ASTN2: variants seen among roughly 807,000 people sequenced by gnomAD.
The protein encoded by ASTN2 is astrotactin 2.
A neutral mutation model predicts 139.8 loss-of-function variants in ASTN2; 54 were observed. The observed-to-expected ratio is 0.39, with a 90% CI of 0.31 to 0.48. The LOEUF is 0.48. Ranked by LOEUF, ASTN2 falls within the 20% of genes least tolerant of loss-of-function variation. The pLI, the probability that ASTN2 is intolerant of heterozygous loss-of-function variation, is 0.95. For missense variants in ASTN2, 1,565 were observed against 1,725.1 expected, an observed-to-expected ratio of 0.91 and a Z score of 1.64; for synonymous variants, 756 against 719.5, an observed-to-expected ratio of 1.05 and a Z score of -0.81.
intron 2 of ASTN2, among the ~76,000 whole-genome samples, chr9:117,229,356 C>T (rs575907058): frequency 4.6e-4 from 70 of 152,278 alleles, no homozygotes; most frequent in African/African-American, 1.6e-3. Flanking sequence ...GTCCTGCTCC[C>T]CACATTCCCT....
chr9:116,730,331 T>C (rs951232570), intron 14 of ASTN2, among the ~76,000 whole-genome samples: 2 of 152,194 alleles, frequency 1.3e-5, no homozygotes, highest in Non-Finnish European at 2.9e-5. Flanking sequence ...ATTAAAGTTG[T>C]CCATTACTGT....
At chr9:116,838,694 G>A (rs1479006289) in intron 11 of ASTN2, among the ~76,000 whole-genome samples, 1 of 151,568 alleles carries the variant, frequency 6.6e-6, no homozygotes, top group East Asian at 1.9e-4. Context: ...CAAAGTGATA[G>A]GATTATGATT....
chr9:116,483,564 A>G (rs548190668), intron 20 of ASTN2, among the ~76,000 whole-genome samples: 1 of 152,194 alleles, frequency 6.6e-6, no homozygotes, highest in Non-Finnish European at 1.5e-5. Flanking sequence ...ATAATGAATA[A>G]AAAGACAAAA....
intron 22 of ASTN2, among the ~76,000 whole-genome samples, chr9:116,429,114 G>A (rs1363787020): frequency 1.3e-5 from 2 of 151,994 alleles, no homozygotes; most frequent in African/African-American, 2.4e-5. Flanking sequence ...TGAGATGGGC[G>A]GATCACCTGA....
At chr9:116,753,767 C>A (rs1829462596) in intron 13 of ASTN2, among the ~76,000 whole-genome samples, 1 of 145,160 alleles carries the variant, frequency 6.9e-6, no homozygotes, top group Admixed American at 6.6e-5. Context: ...AACTATACAT[C>A]TCTAGGCAAT....
chr9:117,315,326 T>C (rs955072244), intron 1 of ASTN2, among the ~76,000 whole-genome samples: 2 of 152,214 alleles, frequency 1.3e-5, no homozygotes, highest in Non-Finnish European at 2.9e-5. Context: ...CAGTTTCCTT[T>C]AAGAATCACA....
chr9:117,064,011 C>T (rs186804841), intron 5 of ASTN2, among the ~76,000 whole-genome samples: 6 of 152,030 alleles, frequency 3.9e-5, no homozygotes, highest in South Asian at 2.1e-4. Flanking sequence ...ATTGTTTTCC[C>T]GAGAGCTTTT....
chr9:117,329,734 T>C (rs2130846344), intron 1 of ASTN2, among the ~76,000 whole-genome samples: 1 of 152,318 alleles, frequency 6.6e-6, no homozygotes, highest in South Asian at 2.1e-4. Context: ...CAGTTGCTGC[T>C]GGGGTCATAA....
chr9:116,887,510 G>A (rs1037411288), intron 10 of ASTN2, among the ~76,000 whole-genome samples: 1 of 151,908 alleles, frequency 6.6e-6, no homozygotes, highest in African/African-American at 2.4e-5. Context: ...GGCAGGGATG[G>A]GGGTGGCCCT....
In ASTN2 at chr9:116,491,125, A is replaced by G. The variant is rs372257641; in HGVS notation, c.3356-3625T>C. 2.6e-5 allele frequency among the ~76,000 whole-genome samples: 4 copies of G among 152,356 alleles called. No individual in the cohort carries two copies. The East Asian group carries it at 7.7e-4, about 29-fold the overall frequency. ...GCTCACCTGCAGTATATGCAGTATAACTAGTCATACCAAGATCATTATAAG... is the reference window on the plus strand; with the variant it reads ...GCTCACCTGCAGTATATGCAGTATAGCTAGTCATACCAAGATCATTATAAG... On this transcript the variant is annotated intron_variant, in intron 19 of 22. Transcript: ENST00000313400.
At chr9:117,413,783 C>T (rs889178627) in intron 1 of ASTN2, among the ~76,000 whole-genome samples, 4 of 152,294 alleles carry the variant, frequency 2.6e-5, no homozygotes, top group East Asian at 3.9e-4. Flanking sequence ...CAAACCGGCT[C>T]TCTGCCTGGA....
At chr9:116,949,554 C>T (rs1192873936) in intron 10 of ASTN2, among the ~76,000 whole-genome samples, 1 of 152,082 alleles carries the variant, frequency 6.6e-6, no homozygotes, top group African/African-American at 2.4e-5. Flanking sequence ...ATGTGAAGGC[C>T]CTGGTTCTGC....
chr9:117,249,256 G>A (rs2133087824), intron 2 of ASTN2, among the ~76,000 whole-genome samples: 1 of 152,220 alleles, frequency 6.6e-6, no homozygotes, highest in East Asian at 1.9e-4. Flanking sequence ...AGGATCCACG[G>A]GAAATCTGTT....
chr9:117,189,073 C>G (rs1412475852), intron 3 of ASTN2, among the ~76,000 whole-genome samples: 2 of 152,090 alleles, frequency 1.3e-5, no homozygotes, highest in African/African-American at 4.8e-5. Context: ...ATCCTAACCT[C>G]CCAGATAGGA....
intron 19 of ASTN2, among the ~76,000 whole-genome samples, chr9:116,530,478 TTG>T (rs1851297638): frequency 2.6e-5 from 4 of 151,950 alleles, no homozygotes; most frequent in African/African-American, 9.6e-5. Context: ...AGAGAATAAA[TTG>T]TGTGTTCTCA....
At chr9:116,713,509 C>T (rs1303197300) in intron 16 of ASTN2, among the ~76,000 whole-genome samples, 1 of 152,150 alleles carries the variant, frequency 6.6e-6, no homozygotes, top group African/African-American at 2.4e-5. Flanking sequence ...TGGTCAGCAT[C>T]ATGCAGGCTT....
chr9:117,340,425 C>G (rs1044490569), intron 1 of ASTN2, among the ~76,000 whole-genome samples: 6 of 150,814 alleles, frequency 4.0e-5, no homozygotes, highest in Admixed American at 1.3e-4. Context: ...GCAGGAACAC[C>G]GGTTATAGAA....
chr9:117,393,707 G>A (rs890125535), intron 1 of ASTN2, among the ~76,000 whole-genome samples: 1 of 152,194 alleles, frequency 6.6e-6, no homozygotes, highest in African/African-American at 2.4e-5. Context: ...CGCAGGGACT[G>A]AGAGCTCCTG....
chr9:117,336,057 G>GAA lies in ASTN2; in HGVS notation c.443-44546_443-44545dup, dbSNP rs35679249. On this transcript the variant is annotated intron_variant, in intron 1 of 22. Transcript: ENST00000313400. ...TTAAGGAGACAGGAGGTCTGGAAAGGAAAAAAAAAAAAAAAAAAAGGACCA... is the reference window on the plus strand; with the variant it reads ...TTAAGGAGACAGGAGGTCTGGAAAGGAAAAAAAAAAAAAAAAAAAAAGGACCA... Among the ~76,000 whole-genome samples, 991 of 104,890 alleles carry GAA rather than the reference G, an allele frequency of 9.4e-3. 12 individuals carry two copies. Among genetic ancestry groups the GAA allele is most frequent in the African/African-American group, 0.029 (780 of 26,874 alleles). The allele number at this position is 104,890 out of a possible 152,430, so 68.8% of individuals were successfully genotyped here.
Sources: gnomAD v4.1 joint callset for allele counts (sites outside exome capture counted in the v4.1 genomes callset) on GRCh38, gnomAD v4.1.1 for gene constraint, MANE v1.5 for transcripts, NCBI Gene and HGNC (gene_info 2026-07-23, HGNC 2026-07-21) for gene names.